Variants in PTPRD observed in about 807,000 individuals in gnomAD.
PTPRD encodes the protein protein tyrosine phosphatase receptor type D, also known as receptor-type tyrosine-protein phosphatase delta.
PTPRD carries 34 observed loss-of-function variants against 214.5 expected under a neutral mutation model. That is an observed-to-expected ratio of 0.16 (90% confidence interval 0.12 to 0.21). The LOEUF (loss-of-function observed/expected upper bound fraction) is 0.21. Ranked by LOEUF, PTPRD falls within the 10% of genes least tolerant of loss-of-function variation. The pLI, the probability that PTPRD is intolerant of heterozygous loss-of-function variation, is 1.00. For missense variants in PTPRD, 2,545 were observed against 2,398.7 expected (o/e 1.06, Z -1.27); for synonymous variants, 1,128 against 845.7 (o/e 1.33, Z -5.79).
chr9:8,438,149 A>C (rs1458353463), intron 34 of PTPRD, among the ~76,000 whole-genome samples: 2 of 152,224 alleles, frequency 1.3e-5, no homozygotes, highest in Admixed American at 6.5e-5. Flanking sequence ...CCATTGAGTC[A>C]ACATGACATG....
At chr9:10,051,674 C>A (rs1254896471) in intron 3 of PTPRD, among the ~76,000 whole-genome samples, 1 of 149,836 alleles carries the variant, frequency 6.7e-6, no homozygotes, top group East Asian at 2.0e-4. Flanking sequence ...TTGTTCAATT[C>A]CCACCTGTGA....
chr9:8,383,266 G>A (rs1228853061), intron 37 of PTPRD, among the ~76,000 whole-genome samples: 1 of 152,140 alleles, frequency 6.6e-6, no homozygotes, highest in Non-Finnish European at 1.5e-5. Flanking sequence ...TTGTGCTAGG[G>A]TAAGTTTACT....
At chr9:10,500,175 G>A (rs1289924988) in intron 2 of PTPRD, among the ~76,000 whole-genome samples, 2 of 151,792 alleles carry the variant, frequency 1.3e-5, no homozygotes, top group Non-Finnish European at 2.9e-5. Context: ...TCATGCATAT[G>A]TATTACATTT....
intron 9 of PTPRD, among the ~76,000 whole-genome samples, chr9:9,394,033 T>A (rs988000634): frequency 2.0e-5 from 3 of 152,288 alleles, no homozygotes; most frequent in African/African-American, 7.2e-5. Context: ...AAGACATTTT[T>A]AAACCATACA....
chr9:9,049,935 C>T (rs2099681496), intron 10 of PTPRD, among the ~76,000 whole-genome samples: 1 of 152,174 alleles, frequency 6.6e-6, no homozygotes, highest in Non-Finnish European at 1.5e-5. Flanking sequence ...ATTAATGGTT[C>T]CTGAGTCACT....
intron 8 of PTPRD, among the ~76,000 whole-genome samples, chr9:9,509,759 T>C (rs536647751): frequency 6.6e-6 from 1 of 151,426 alleles, no homozygotes; most frequent in Admixed American, 6.6e-5. Flanking sequence ...TGGCTTTCAG[T>C]AACAGTTGCA....
chr9:9,436,771 T>A (rs1442372795), intron 8 of PTPRD, among the ~76,000 whole-genome samples: 1 of 152,096 alleles, frequency 6.6e-6, no homozygotes, highest in Admixed American at 6.6e-5. Context: ...ACAGCACATA[T>A]GCATACATTT....
intron 12 of PTPRD, among the ~76,000 whole-genome samples, chr9:8,718,172 GT>G (rs756247897): frequency 6.6e-5 from 10 of 152,166 alleles, no homozygotes; most frequent in Non-Finnish European, 4.4e-5. Flanking sequence ...CAAAATGTTG[GT>G]GATCATAATT....
chr9:10,222,860 T>A (rs943294962), intron 3 of PTPRD, among the ~76,000 whole-genome samples: 7 of 152,026 alleles, frequency 4.6e-5, no homozygotes, highest in Admixed American at 2.0e-4. Flanking sequence ...ACTAGATTCT[T>A]ATTAACCAAA....
At chr9:8,996,512 G>A (rs1263252052) in intron 11 of PTPRD, among the ~76,000 whole-genome samples, 1 of 151,960 alleles carries the variant, frequency 6.6e-6, no homozygotes, top group East Asian at 1.9e-4. Flanking sequence ...GGATCTGTGG[G>A]GTGCCTTACC....
chr9:8,333,604 C>G (rs932549415), intron 43 of PTPRD, among the ~76,000 whole-genome samples: 1 of 152,084 alleles, frequency 6.6e-6, no homozygotes, highest in Non-Finnish European at 1.5e-5. Context: ...AAAAACATAC[C>G]AAATTGTAAA....
chr9:9,573,001 A>G (rs1311801917), intron 8 of PTPRD, among the ~76,000 whole-genome samples: 1 of 151,670 alleles, frequency 6.6e-6, no homozygotes, highest in East Asian at 1.9e-4. Flanking sequence ...AGCATATCCT[A>G]TGTACACAAC....
chr9:8,631,778 T>C (rs1484832621), intron 14 of PTPRD, among the ~76,000 whole-genome samples: 3 of 151,994 alleles, frequency 2.0e-5, no homozygotes, highest in East Asian at 3.9e-4. Flanking sequence ...GTCTTTTCTC[T>C]AGGAAATCCC....
chr9:8,421,093 G>C (rs1278487592), intron 35 of PTPRD, among the ~76,000 whole-genome samples: 1 of 152,108 alleles, frequency 6.6e-6, no homozygotes, highest in Admixed American at 6.6e-5. Flanking sequence ...CAGCACAGTA[G>C]TAGTTAAGAG....
At chr9:9,766,161 A>G (rs2098705444) in intron 6 of PTPRD, among the ~76,000 whole-genome samples, 1 of 152,008 alleles carries the variant, frequency 6.6e-6, no homozygotes, top group Non-Finnish European at 1.5e-5. Flanking sequence ...CATCTTATAC[A>G]TTTTCTTTTC....
chr9:8,965,756 C>G lies in PTPRD; in HGVS notation c.-104+52941G>C, dbSNP rs151253663. On this transcript the variant is annotated intron_variant, in intron 11 of 45. Coordinates refer to ENST00000381196, the MANE Select transcript of PTPRD (RefSeq NM_002839.4). ...ACAAGGATGCCCATTCTCATCATCT[C>G]TATCTAACATAGCATCAGAAGTTCT... Among the ~76,000 whole-genome samples the G allele has an allele frequency of 2.0e-4, 31 of 152,216 alleles. No homozygotes were observed. The East Asian group carries it at 5.8e-3, about 29-fold the overall frequency.
chr9:10,259,817 G>C (rs2093573387), intron 3 of PTPRD, among the ~76,000 whole-genome samples: 1 of 152,170 alleles, frequency 6.6e-6, no homozygotes, highest in African/African-American at 2.4e-5. Flanking sequence ...CTCAGGTCTT[G>C]ATTTCCAAAG....
intron 9 of PTPRD, among the ~76,000 whole-genome samples, chr9:9,311,147 A>G (rs1958875059): frequency 6.6e-6 from 1 of 152,158 alleles, no homozygotes; most frequent in Non-Finnish European, 1.5e-5. Flanking sequence ...TTGTTTGTTT[A>G]GTTGCTTTCA....
At chr9:9,510,709 T>G (rs1001649287) in intron 8 of PTPRD, among the ~76,000 whole-genome samples, 3 of 151,518 alleles carry the variant, frequency 2.0e-5, no homozygotes, top group Admixed American at 1.3e-4. Flanking sequence ...GCCCACCTAT[T>G]TGGGCGGCCT....
Sources: allele counts gnomAD v4.1 joint callset (sites outside exome capture counted in the v4.1 genomes callset), GRCh38; gene constraint gnomAD v4.1.1; transcripts MANE v1.5; gene names NCBI Gene and HGNC (gene_info 2026-07-23, HGNC 2026-07-21).